Variants in PLA2R1 observed in about 807,000 individuals in gnomAD.
PLA2R1 encodes phospholipase A2 receptor 1, also known as secretory phospholipase A2 receptor.
Under a neutral mutation model 195.9 loss-of-function variants are expected in PLA2R1, and 158 were observed. That is an observed-to-expected ratio of 0.81 (90% CI 0.71 to 0.92). PLA2R1 has a LOEUF of 0.92. Ranked by LOEUF, PLA2R1 falls within the 40% of genes least tolerant of loss-of-function variation. The pLI is 0.00. For missense variants in PLA2R1, 1,626 were observed against 1,764.6 expected, an observed-to-expected ratio of 0.92 and a Z score of 1.41; for synonymous variants, 586 against 598.2, an observed-to-expected ratio of 0.98 and a Z score of 0.30.
At chr2:159,967,417 A>C in intron 20 of PLA2R1, 122 bp downstream of exon 20, 2 of 729,634 alleles carry the variant, frequency 2.7e-6, no homozygotes, top group Middle Eastern at 3.9e-4. Flanking sequence ...AGTTGTGACA[A>C]AAAAATTCCA....
chr2:159,985,970 G>C, intron 12 of PLA2R1, among the ~76,000 whole-genome samples: 1 of 152,062 alleles, frequency 6.6e-6, no homozygotes, highest in East Asian at 1.9e-4. Context: ...GATTCAGGTG[G>C]CACCTGGGAT....
intron 25 of PLA2R1, among the ~76,000 whole-genome samples, chr2:159,948,245 C>G (rs1381248789): frequency 2.0e-5 from 3 of 151,740 alleles, no homozygotes; most frequent in Non-Finnish European, 4.4e-5. Context: ...TTACAAAAAA[C>G]TTTTTAAAAG....
chr2:159,967,437 G>T, intron 20 of PLA2R1, 102 bp downstream of exon 20: 1 of 952,586 alleles, frequency 1.0e-6, no homozygotes, highest in Non-Finnish European at 1.6e-6. Context: ...AGGTCCTATG[G>T]ACAACTCACA....
At chr2:159,973,626 C>G (rs1180498623) in intron 17 of PLA2R1, among the ~76,000 whole-genome samples, 1 of 152,152 alleles carries the variant, frequency 6.6e-6, no homozygotes, top group East Asian at 1.9e-4. Flanking sequence ...GAGTTTCCAG[C>G]CTCCAGGACT....
rs1291093759 is a variant in PLA2R1 at position 159,945,074 on chromosome 2, T to C, written c.3976A>G (p.Ile1326Val). The change falls in exon 28 of 30, where the codon ATA (isoleucine) becomes GTA (valine). Residue 1326 changes from isoleucine (I) to valine (V), a missense_variant. Transcript: ENST00000283243. ...NAQFDGNNETIKWFDGTPTDQ... is the reference protein window; with the variant it reads ...NAQFDGNNETVKWFDGTPTDQ... The stretch of plus-strand genomic sequence containing the variant: ...GTGGGAGTTCCATCAAACCACTTTA[T>C]GGTTTCATCTGTGAGAAAATTGCTG... The C allele has an allele frequency of 1.9e-6, 3 of 1,606,644 alleles. No individual in the cohort carries two copies. The highest frequency in any genetic ancestry group is 1.1e-5 in the South Asian group (1 of 89,772).
At chr2:159,986,469 G>C (rs906763380) in intron 12 of PLA2R1, among the ~76,000 whole-genome samples, 37 of 152,148 alleles carry the variant, frequency 2.4e-4, no homozygotes, top group African/African-American at 7.7e-4. Context: ...CCTCCTGTCA[G>C]AGCTAGGAAC....
intron 27 of PLA2R1, chr2:159,945,790 C>T: frequency 1.0e-6 from 1 of 981,006 alleles, no homozygotes; most frequent in Non-Finnish European, 1.2e-6. Context: ...CAGTGATGTA[C>T]TCAACATCAA....
At chr2:160,022,584 A>C (rs1693210800) in intron 7 of PLA2R1, 81 bp downstream of exon 7, 3 of 783,736 alleles carry the variant, frequency 3.8e-6, no homozygotes, top group Non-Finnish European at 5.9e-6. Context: ...AAATAGCTTA[A>C]ATTTCTTTTC....
chr2:160,023,355 T>C (rs1227187417), intron 6 of PLA2R1, among the ~76,000 whole-genome samples: 1 of 152,162 alleles, frequency 6.6e-6, no homozygotes, highest in African/African-American at 2.4e-5. Context: ...ACCAAGACGG[T>C]GAGGAAGGTG....
chr2:159,948,457 A>G (rs1687526379), intron 25 of PLA2R1, among the ~76,000 whole-genome samples: 1 of 151,468 alleles, frequency 6.6e-6, no homozygotes, highest in South Asian at 2.1e-4. Context: ...CTGGTCTCAA[A>G]CTCCTGGCCT....
chr2:160,003,044 G>T (rs2105383164), intron 11 of PLA2R1, among the ~76,000 whole-genome samples: 1 of 151,936 alleles, frequency 6.6e-6, no homozygotes, highest in African/African-American at 2.4e-5. Flanking sequence ...TGCCATATTG[G>T]CAGGGAAACA....
intron 3 of PLA2R1, among the ~76,000 whole-genome samples, chr2:160,038,690 A>T (rs1308325668): frequency 6.6e-6 from 1 of 152,026 alleles, no homozygotes; most frequent in African/African-American, 2.4e-5. Context: ...CAGAAAGGAG[A>T]TTGGAAGGTA....
chr2:160,017,358 T>C (rs1318761373), intron 8 of PLA2R1, among the ~76,000 whole-genome samples: 1 of 152,204 alleles, frequency 6.6e-6, no homozygotes, highest in African/African-American at 2.4e-5. Context: ...GGGGTCACAC[T>C]GTGAGAACCA....
intron 14 of PLA2R1, among the ~76,000 whole-genome samples, chr2:159,978,649 C>A (rs1411357802): frequency 3.3e-5 from 5 of 152,142 alleles, no homozygotes. Context: ...TTGAACCACC[C>A]AGCTGTCTCA....
intron 4 of PLA2R1, among the ~76,000 whole-genome samples, chr2:160,032,270 A>G (rs1693901713): frequency 6.6e-6 from 1 of 152,228 alleles, no homozygotes; most frequent in South Asian, 2.1e-4. Flanking sequence ...TTTGAAAAAC[A>G]TTGGCATCAA....
chr2:159,976,590 T>A (rs929038925), intron 16 of PLA2R1, 95 bp downstream of exon 16: 1 of 797,078 alleles, frequency 1.3e-6, no homozygotes, highest in Non-Finnish European at 2.1e-6. Context: ...GAGGCTCGAT[T>A]TGAGAAATGT....
intron 6 of PLA2R1, among the ~76,000 whole-genome samples, chr2:160,025,471 C>G (rs1165693823): frequency 6.7e-6 from 1 of 150,162 alleles, no homozygotes; most frequent in Non-Finnish European, 1.5e-5. Flanking sequence ...AAAATTTTAA[C>G]TATTGGGGGT....
chr2:160,042,303 G>A, intron 2 of PLA2R1, 105 bp from the exon 3 acceptor site: 2 of 892,642 alleles, frequency 2.2e-6, no homozygotes, highest in Admixed American at 4.3e-5. Context: ...CCCTCTTGGG[G>A]CAGATACTCA....
intron 17 of PLA2R1, 51 bp from the exon 18 acceptor site, chr2:159,970,263 C>T (rs775371956): frequency 7.6e-7 from 1 of 1,317,320 alleles, no homozygotes; most frequent in Non-Finnish European, 1.1e-6. Context: ...TCCTTTTTCA[C>T]TATTAAGAGT....
Sources: gnomAD v4.1 joint callset for allele counts (sites outside exome capture counted in the v4.1 genomes callset) on GRCh38, gnomAD v4.1.1 for gene constraint, MANE v1.5 for transcripts, NCBI Gene and HGNC (gene_info 2026-07-23, HGNC 2026-07-21) for gene names.